Variants in KCNIP4 observed in about 807,000 individuals in gnomAD.
KCNIP4 encodes the protein Kv channel-interacting protein 4.
In KCNIP4, 12 loss-of-function variants were observed where a neutral mutation model predicts 34.0. That is an observed-to-expected ratio of 0.35 (90% CI 0.23 to 0.57). The LOEUF (loss-of-function observed/expected upper bound fraction) is 0.57, where lower values mean the gene tolerates loss of function less well. KCNIP4 is among the 20% of genes least tolerant of loss of function. The pLI is 0.83. For synonymous variants in KCNIP4, 124 were observed against 102.2 expected (o/e 1.21, Z -1.29); for missense variants, 238 against 311.7 (o/e 0.76, Z 1.78).
chr4:21,237,483 G>T (rs1759453190), intron 1 of KCNIP4, among the ~76,000 whole-genome samples: 1 of 151,832 alleles, frequency 6.6e-6, no homozygotes, highest in Non-Finnish European at 1.5e-5. Context: ...ATTAAAAGTA[G>T]CTGCCTGTTA....
In KCNIP4 at chr4:20,729,619, T is replaced by TA. The variant is rs1560393784; in HGVS notation, c.*462_*463insT. 1 of 69,842 alleles carries TA rather than the reference T, an allele frequency of 1.4e-5. No homozygotes were observed. The highest frequency in any genetic ancestry group is 3.1e-5 in the Non-Finnish European group (1 of 32,752). The allele number at this position is 69,842 out of a possible 1,614,324, so 4.3% of individuals were successfully genotyped here. A position where few individuals can be genotyped will look rare whatever the true frequency, so the allele number is the denominator to read the frequency against. On this transcript the variant is annotated 3_prime_UTR_variant, in exon 9 of 9. Transcript: ENST00000382152. ...TTTCCTTAAAGTATATAAATGGAAT[T>TA]TAAATGGAATTACAGCATTCAAACA...
At chr4:20,743,430 C>G (rs925089876) in intron 5 of KCNIP4, among the ~76,000 whole-genome samples, 8 of 152,060 alleles carry the variant, frequency 5.3e-5, no homozygotes, top group African/African-American at 1.9e-4. Context: ...AGATATAGAC[C>G]AATGGAACAG....
chr4:21,138,571 T>C (rs1227583347), intron 1 of KCNIP4, among the ~76,000 whole-genome samples: 1 of 152,008 alleles, frequency 6.6e-6, no homozygotes, highest in African/African-American at 2.4e-5. Flanking sequence ...TTTACATCCC[T>C]GTGGTTGGCA....
At chr4:20,839,775 T>A (rs1719502831) in intron 3 of KCNIP4, among the ~76,000 whole-genome samples, 1 of 152,152 alleles carries the variant, frequency 6.6e-6, no homozygotes, top group South Asian at 2.1e-4. Context: ...CTATGAGATG[T>A]TATTCTTCAA....
intron 1 of KCNIP4, among the ~76,000 whole-genome samples, chr4:21,698,241 G>A (rs544725155): frequency 3.9e-5 from 6 of 152,270 alleles, no homozygotes; most frequent in African/African-American, 1.2e-4. Flanking sequence ...TGCACAGCGC[G>A]GGCTCAGGTA....
chr4:21,371,458 C>T (rs1720441744), intron 1 of KCNIP4, among the ~76,000 whole-genome samples: 2 of 146,872 alleles, frequency 1.4e-5, no homozygotes, highest in Admixed American at 6.6e-5. Flanking sequence ...AATCAATCTG[C>T]TTACCAGGTG....
chr4:21,087,489 T>C (rs890311458), intron 1 of KCNIP4, among the ~76,000 whole-genome samples: 5 of 152,080 alleles, frequency 3.3e-5, no homozygotes, highest in African/African-American at 9.7e-5. Flanking sequence ...GGTTTCATCA[T>C]GTTGGCCCAG....
At chr4:20,928,685 G>A (rs1246530456) in intron 1 of KCNIP4, among the ~76,000 whole-genome samples, 1 of 151,746 alleles carries the variant, frequency 6.6e-6, no homozygotes, top group Non-Finnish European at 1.5e-5. Flanking sequence ...TTAGTTGTAT[G>A]GATAGGTAAA....
chr4:21,550,659 C>T (rs1738507249), intron 1 of KCNIP4, among the ~76,000 whole-genome samples: 1 of 152,028 alleles, frequency 6.6e-6, no homozygotes, highest in Admixed American at 6.6e-5. Flanking sequence ...GACTGGTACT[C>T]ATAAATTCCA....
chr4:21,887,259 G>C (rs1249106897), intron 1 of KCNIP4, among the ~76,000 whole-genome samples: 9 of 152,112 alleles, frequency 5.9e-5, no homozygotes, highest in Non-Finnish European at 1.3e-4. Context: ...GGAAGTCTGA[G>C]ACCAGGGTTC....
At chr4:21,898,765 A>C (rs1727546218) in intron 1 of KCNIP4, among the ~76,000 whole-genome samples, 2 of 152,118 alleles carry the variant, frequency 1.3e-5, no homozygotes, top group Admixed American at 1.3e-4. Context: ...GAGGGAAGGA[A>C]AGAGAAGTAA....
intron 1 of KCNIP4, among the ~76,000 whole-genome samples, chr4:21,268,863 G>T (rs556466493): frequency 6.6e-6 from 1 of 152,238 alleles, no homozygotes; most frequent in Non-Finnish European, 1.5e-5. Flanking sequence ...AAGCCAAGAC[G>T]TAAAGAATGA....
chr4:21,629,518 T>G (rs1161323751), intron 1 of KCNIP4, among the ~76,000 whole-genome samples: 2 of 152,170 alleles, frequency 1.3e-5, no homozygotes, highest in Admixed American at 6.5e-5. Flanking sequence ...GTTCTTAGAC[T>G]AAATAAAGAA....
intron 1 of KCNIP4, among the ~76,000 whole-genome samples, chr4:20,964,095 C>T (rs1734114436): frequency 6.6e-6 from 1 of 152,096 alleles, no homozygotes; most frequent in Non-Finnish European, 1.5e-5. Flanking sequence ...TATTAATGTT[C>T]TAGAACCTAT....
intron 1 of KCNIP4, among the ~76,000 whole-genome samples, chr4:21,235,216 G>T (rs1392052343): frequency 6.6e-6 from 1 of 152,062 alleles, no homozygotes; most frequent in Non-Finnish European, 1.5e-5. Flanking sequence ...TTTCTGTTGA[G>T]GTTAATGAAA....
intron 8 of KCNIP4, among the ~76,000 whole-genome samples, chr4:20,730,525 G>A (rs890751722): frequency 6.6e-6 from 1 of 152,156 alleles, no homozygotes; most frequent in African/African-American, 2.4e-5. Flanking sequence ...CAGGTACAAG[G>A]AAAATTTGTG....
At chr4:21,457,952 T>C (rs960839923) in intron 1 of KCNIP4, among the ~76,000 whole-genome samples, 9 of 152,072 alleles carry the variant, frequency 5.9e-5, no homozygotes, top group Non-Finnish European at 4.4e-5. Context: ...CTGCCCTCCA[T>C]CTTATTCCCT....
chr4:21,640,984 C>G (rs1466255193), intron 1 of KCNIP4, among the ~76,000 whole-genome samples: 1 of 152,218 alleles, frequency 6.6e-6, no homozygotes, highest in African/African-American at 2.4e-5. Context: ...TTTTGAGAAA[C>G]TGCTTTTGGT....
At chr4:21,445,212 T>C (rs369931599) in intron 1 of KCNIP4, among the ~76,000 whole-genome samples, 2 of 152,256 alleles carry the variant, frequency 1.3e-5, no homozygotes, top group African/African-American at 2.4e-5. Flanking sequence ...AGGTAATTTA[T>C]AGATTCAATG....
Sources: gnomAD v4.1 joint callset for allele counts (sites outside exome capture counted in the v4.1 genomes callset) on GRCh38, gnomAD v4.1.1 for gene constraint, MANE v1.5 for transcripts, NCBI Gene and HGNC (gene_info 2026-07-23, HGNC 2026-07-21) for gene names.